Variants in TFF2 observed in about 807,000 individuals in gnomAD.
The protein encoded by TFF2 is spasmolysin.
Under a neutral mutation model 16.0 loss-of-function variants are expected in TFF2, and 19 were observed. The ratio of observed to expected loss-of-function variants is 1.19; its 90% CI spans 0.83 to 1.74. The LOEUF is 1.74. TFF2 is among the 40% of genes most tolerant of loss of function. TFF2 has a pLI of 0.00. For missense variants in TFF2, 168 were observed against 166.8 expected, an observed-to-expected ratio of 1.01 and a Z score of -0.04; for synonymous variants, 61 against 65.4, an observed-to-expected ratio of 0.93 and a Z score of 0.32.
intron 2 of TFF2, 129 bp from the exon 3 acceptor site, chr21:42,347,761 AG>A (rs1324496689): frequency 1.3e-4 from 162 of 1,257,608 alleles, no homozygotes; most frequent in Non-Finnish European, 1.7e-4. Flanking sequence ...TGCCTGGGGC[AG>A]CATCCCCCGG....
At position 42,346,362 on chromosome 21, in the gene TFF2, CA is replaced by C; in HGVS notation, c.*170del. 1 of 875,944 alleles carries C rather than the reference CA, an allele frequency of 1.1e-6. No homozygotes were observed. The highest frequency in any genetic ancestry group is 1.8e-6 in the Non-Finnish European group (1 of 566,720). The allele number at this position is 875,944 out of a possible 1,614,324, so 54.3% of individuals were successfully genotyped here. A position where few individuals can be genotyped will look rare whatever the true frequency, so the allele number is the denominator to read the frequency against. On this transcript the variant is annotated 3_prime_UTR_variant, in exon 4 of 4. Coordinates refer to ENST00000291526, the MANE Select transcript of TFF2 (RefSeq NM_005423.5). ...TTAATGAAACCAAAAAGAAATTTAG[CA>C]GATTTTAAGGGTTTTATTTAAAGAA...
intron 2 of TFF2, among the ~76,000 whole-genome samples, chr21:42,348,674 C>A (rs529860807): frequency 7.2e-4 from 110 of 151,974 alleles, no homozygotes; most frequent in Non-Finnish European, 1.3e-3. Flanking sequence ...TACCTCTAGA[C>A]TAACAGTCCA....
chr21:42,347,812 G>A (rs1282995011), intron 2 of TFF2, among the ~76,000 whole-genome samples, 180 bp from the exon 3 acceptor site: 4 of 151,914 alleles, frequency 2.6e-5, no homozygotes. Context: ...TCGGCCCCTG[G>A]GACCGCCTCC....
In TFF2 at chr21:42,349,987, G is replaced by A. The variant is rs139625434; in HGVS notation, c.123C>T (p.Asn41=). ...CSRLSPHNRT[N]CGFPGITSDQ... ...CACTGGTGATTCCAGGGAAGCCGCA[G>A]TTCGTCCTGTTATGGGGGCTCAGCC... Residue 41 remains asparagine, a synonymous_variant, in exon 2 of 4, where the codon AAC becomes AAT. Coordinates refer to ENST00000291526, the MANE Select transcript of TFF2 (RefSeq NM_005423.5). 66 of 1,600,228 alleles carry A rather than the reference G, an allele frequency of 4.1e-5. 1 individual carries two copies. The Admixed American group carries it at 9.6e-4, about 23-fold the overall frequency.
intron 2 of TFF2, among the ~76,000 whole-genome samples, chr21:42,349,132 C>G (rs554660138): frequency 6.7e-6 from 1 of 150,234 alleles, no homozygotes; most frequent in South Asian, 2.1e-4. Flanking sequence ...CCAACCTGGG[C>G]TAGCCCTAGA....
intron 1 of TFF2, chr21:42,350,235 A>G: frequency 8.2e-7 from 1 of 1,217,608 alleles, no homozygotes; most frequent in Non-Finnish European, 1.0e-6. Flanking sequence ...TAAAAGGAAA[A>G]AAAAAAAAAA....
chr21:42,346,792 A>T (rs1237897527), intron 3 of TFF2, among the ~76,000 whole-genome samples: 1 of 152,234 alleles, frequency 6.6e-6, no homozygotes, highest in Non-Finnish European at 1.5e-5. Context: ...ACATAAAAAA[A>T]ATCACTCGGA....
At chr21:42,346,945 G>A (rs538277758) in intron 3 of TFF2, among the ~76,000 whole-genome samples, 51 of 152,264 alleles carry the variant, frequency 3.3e-4, no homozygotes, top group East Asian at 2.5e-3. Flanking sequence ...GCCACACTCC[G>A]AGTCAGGAAC....
At chr21:42,348,706 C>T (rs372411660) in intron 2 of TFF2, among the ~76,000 whole-genome samples, 1 of 151,760 alleles carries the variant, frequency 6.6e-6, no homozygotes, top group Non-Finnish European at 1.5e-5. Flanking sequence ...GACTAACCAA[C>T]CTGGGCTACC....
At chr21:42,349,473 C>T (rs79287332) in intron 2 of TFF2, among the ~76,000 whole-genome samples, 26 of 134,850 alleles carry the variant, frequency 1.9e-4, no homozygotes, top group Admixed American at 3.8e-4. Context: ...GGGCTAGCCC[C>T]AGACTAACCA....
rs578181518 is a variant in TFF2 at position 42,346,463 on chromosome 21, T to C, written c.*70A>G. 3 of 1,585,758 alleles carry C rather than the reference T, an allele frequency of 1.9e-6. No individual in the cohort carries two copies. In the South Asian group the frequency reaches 3.3e-5, roughly 18 times the overall value. The stretch of plus-strand genomic sequence containing the variant: ...AGGATTTCATGAAGTATGAAGCTGA[T>C]AAGGCGAAGTTTCTTCTTTGGTTTC... On this transcript the variant is annotated 3_prime_UTR_variant, in exon 4 of 4. Transcript: ENST00000291526.
intron 1 of TFF2, among the ~76,000 whole-genome samples, chr21:42,350,532 C>T (rs895823997): frequency 1.3e-5 from 2 of 152,048 alleles, no homozygotes; most frequent in African/African-American, 4.8e-5. Context: ...GATCCTGTCT[C>T]GGAAAAAAAC....
intron 1 of TFF2, 125 bp from the exon 2 acceptor site, chr21:42,350,155 G>A: frequency 4.4e-6 from 6 of 1,377,748 alleles, no homozygotes; most frequent in Non-Finnish European, 5.6e-6. Flanking sequence ...GTCTTATCTT[G>A]CCCATATTTA....
At chr21:42,348,242 G>A (rs377574853) in intron 2 of TFF2, among the ~76,000 whole-genome samples, 6 of 152,202 alleles carry the variant, frequency 3.9e-5, no homozygotes, top group East Asian at 1.9e-4. Context: ...AGCACTCGTC[G>A]GCGTTACAAC....
rs1271861554 is a variant in TFF2, at chr21:42,349,915, C to T, written c.195G>A (p.Gly65=). ...GGAGGGGGTGGAAACACCAGGGGAC[C>T]CCAGTGACACTGGAGTCGAAACAGC... is the stretch of plus-strand genomic sequence containing the variant. ...NGCCFDSSVT[G]VPWCFHPLPK... The change falls in exon 2 of 4, where the codon GGG becomes GGA. Residue 65 remains glycine, a synonymous_variant. Transcript: ENST00000291526. 1.9e-6 allele frequency: 3 copies of T among 1,601,092 alleles called. No individual in the cohort carries two copies. In the Admixed American group the frequency reaches 5.1e-5, roughly 27 times the overall value.
intron 2 of TFF2, among the ~76,000 whole-genome samples, chr21:42,349,587 A>C (rs1205156031): frequency 6.7e-6 from 1 of 148,598 alleles, no homozygotes; most frequent in East Asian, 2.0e-4. Flanking sequence ...AAACTAACCA[A>C]CCTGGGCTAG....
chr21:42,350,781 T>C, intron 1 of TFF2, 98 bp downstream of exon 1: 1 of 1,299,012 alleles, frequency 7.7e-7, no homozygotes, highest in Non-Finnish European at 1.1e-6. Context: ...GATGCCTTTA[T>C]AGCCATTCCC....
chr21:42,348,929 G>A (rs935741076), intron 2 of TFF2, among the ~76,000 whole-genome samples: 19 of 149,428 alleles, frequency 1.3e-4, no homozygotes, highest in African/African-American at 4.7e-4. Flanking sequence ...CAGTCCTCTA[G>A]GCTACCTCTA....
At chr21:42,350,669 G>A (rs911129040) in intron 1 of TFF2, among the ~76,000 whole-genome samples, 1 of 152,162 alleles carries the variant, frequency 6.6e-6, no homozygotes, top group African/African-American at 2.4e-5. Flanking sequence ...CACGGGGCCC[G>A]CTGACACCTG....
Sources: gnomAD v4.1 joint callset for allele counts (sites outside exome capture counted in the v4.1 genomes callset) on GRCh38, gnomAD v4.1.1 for gene constraint, MANE v1.5 for transcripts, NCBI Gene and HGNC (gene_info 2026-07-23, HGNC 2026-07-21) for gene names.